The following DNASE1 variants were observed in gnomAD, a reference collection of about 807,000 sequenced individuals.
DNASE1 encodes the protein deoxyribonuclease-1.
In DNASE1, 40 loss-of-function variants were observed where a neutral mutation model predicts 33.9. The observed-to-expected ratio is 1.18, with a 90% CI of 0.92 to 1.54. DNASE1 has a LOEUF of 1.54. DNASE1 is among the 40% of genes most tolerant of loss of function. The probability of loss-of-function intolerance (pLI) is 0.00; values close to 1 mark genes in which losing one functional copy is unlikely to be tolerated. For synonymous variants in DNASE1, 216 were observed against 160.0 expected (o/e 1.35, Z -2.64); for missense variants, 518 against 372.6 (o/e 1.39, Z -3.21).
At chr16:3,613,908 A>ATTTTTTTTT (rs200976238) in intron 1 of DNASE1, among the ~76,000 whole-genome samples, 23 of 113,144 alleles carry the variant, frequency 2.0e-4, no homozygotes, top group African/African-American at 8.2e-4. Context: ...CGCCTGGCTA[A>ATTTTTTTTT]TTTTTTTTTT....
downstream of DNASE1, chr16:3,660,566 C>T (rs1302790046): frequency 1.3e-5 from 2 of 152,176 alleles, no homozygotes; most frequent in African/African-American, 2.4e-5. Context: ...GACCTGGTGT[C>T]CGCCTCACTG....
At chr16:3,634,212 G>A (rs1030542312) in intron 1 of DNASE1, among the ~76,000 whole-genome samples, 6 of 151,168 alleles carry the variant, frequency 4.0e-5, no homozygotes, top group Non-Finnish European at 7.4e-5. Flanking sequence ...TTTTGTTGTC[G>A]AGACAGGGTT....
rs915619386 is a variant in DNASE1 at position 3,656,382 on chromosome 16, G to A, written c.320+197G>A. On this transcript the variant is annotated intron_variant, in intron 4 of 8. Coordinates refer to ENST00000246949, the MANE Select transcript of DNASE1 (RefSeq NM_005223.4). ...TGCCTGGCTCCCCCGCCCTCCTGTC[G>A]CCTGGGTCCCGGACCAATGGGTTGA... is the stretch of plus-strand genomic sequence containing the variant. Among the ~76,000 whole-genome samples, 4 of 148,020 alleles carry A rather than the reference G, an allele frequency of 2.7e-5. No individual in the cohort carries two copies. In the East Asian group the frequency reaches 6.1e-4, roughly 23 times the overall value.
rs35085629 is a variant in DNASE1 at position 3,612,549 on chromosome 16, CTTTT to C, written c.-1359+559_-1359+562del. Among the ~76,000 whole-genome samples the C allele has an allele frequency of 8.7e-3, 545 of 62,948 alleles. 4 individuals carry two copies. Among genetic ancestry groups the C allele is most frequent in the African/African-American group, 0.022 (341 of 15,350 alleles). 41.3% of individuals were successfully genotyped at this position (62,948 alleles called of 152,430 possible). On this transcript the variant is annotated intron_variant and NMD_transcript_variant, in intron 1 of 11. Transcript: ENST00000570769. ...TACAGGCGTGAGCCACCGCTCACGG[CTTTT>C]TTTTTTTTTTTTTTTAAGTAGAGAC...
rs1596649825 is a variant in DNASE1, at chr16:3,656,249, A to G, written c.320+64A>G. 6.5e-6 allele frequency: 10 copies of G among 1,538,592 alleles called. No homozygotes were observed. The South Asian group carries it at 7.8e-5, about 12-fold the overall frequency. ...TGGGAGGGCCCCAACAGAGCAGGGAAGTAGTTTGTCCTATTAGTTTGTCCT... is the reference window on the plus strand; with the variant it reads ...TGGGAGGGCCCCAACAGAGCAGGGAGGTAGTTTGTCCTATTAGTTTGTCCT... On this transcript the variant is annotated intron_variant, in intron 4 of 8. Transcript: ENST00000246949.
At chr16:3,658,509 C>G (rs2042856275), downstream of DNASE1, 1 of 569,340 alleles carries the variant, frequency 1.8e-6, no homozygotes, top group Non-Finnish European at 3.1e-6. Context: ...TGGTGAAAAC[C>G]CCATCTCTAC....
At chr16:3,627,377 C>T (rs928072203) in intron 1 of DNASE1, among the ~76,000 whole-genome samples, 3 of 151,748 alleles carry the variant, frequency 2.0e-5, no homozygotes, top group Non-Finnish European at 4.4e-5. Context: ...TAGCTCAAGC[C>T]ATCCTCCCAC....
At chr16:3,611,885 T>A (rs529622799) in exon 1 of DNASE1, 9 of 152,536 alleles carry the variant, frequency 5.9e-5, no homozygotes, top group African/African-American at 2.2e-4. Flanking sequence ...TCAGGAAATG[T>A]TCGCGGATAC....
chr16:3,659,649 T>C (rs950324530), downstream of DNASE1: 3 of 152,088 alleles, frequency 2.0e-5, no homozygotes, highest in African/African-American at 7.2e-5. Flanking sequence ...TTGTACAACC[T>C]CTCCAGAGGA....
upstream of DNASE1, among the ~76,000 whole-genome samples, chr16:3,639,642 A>G (rs2041973770): frequency 1.3e-5 from 2 of 152,200 alleles, no homozygotes; most frequent in African/African-American, 4.8e-5. Context: ...CTCCCTGTAA[A>G]TAGTTAATAA....
At chr16:3,637,050 G>C (rs2041889442) in intron 1 of DNASE1, among the ~76,000 whole-genome samples, 1 of 152,152 alleles carries the variant, frequency 6.6e-6, no homozygotes, top group Non-Finnish European at 1.5e-5. Context: ...CTTGAACCCA[G>C]GAGGCAGAGG....
intron 1 of DNASE1, among the ~76,000 whole-genome samples, chr16:3,648,862 CAA>C (rs989499180): frequency 2.0e-5 from 3 of 152,294 alleles, no homozygotes; most frequent in Admixed American, 2.0e-4. Context: ...GGATATATCT[CAA>C]GTTTTATTAT....
At chr16:3,664,012 G>A (rs965385051) in exon 10 of DNASE1, 4 of 404,392 alleles carry the variant, frequency 9.9e-6, no homozygotes, top group Non-Finnish European at 1.8e-5. Context: ...GCAGTGAGCC[G>A]AGATCGCACC....
chr16:3,648,528 G>A (rs187276224), intron 1 of DNASE1, among the ~76,000 whole-genome samples: 4 of 152,242 alleles, frequency 2.6e-5, no homozygotes, highest in East Asian at 3.9e-4. Flanking sequence ...CCCCAGAGGC[G>A]AAGCTCGCGT....
chr16:3,618,878 C>T (rs1245857442), intron 1 of DNASE1, among the ~76,000 whole-genome samples: 5 of 151,976 alleles, frequency 3.3e-5, no homozygotes, highest in Non-Finnish European at 7.4e-5. Flanking sequence ...TTTTTAGTGA[C>T]AAGGTCTCAT....
At chr16:3,637,657 T>C (rs1056515131) in intron 1 of DNASE1, among the ~76,000 whole-genome samples, 2 of 152,182 alleles carry the variant, frequency 1.3e-5, no homozygotes, top group African/African-American at 2.4e-5. Flanking sequence ...GGACAGGCCT[T>C]GTTAAGAACA....
chr16:3,648,836 C>T (rs1323535804), intron 1 of DNASE1, among the ~76,000 whole-genome samples: 2 of 152,152 alleles, frequency 1.3e-5, no homozygotes, highest in Non-Finnish European at 2.9e-5. Context: ...ATCTAAGGTC[C>T]ATACATTTTG....
intron 1 of DNASE1, among the ~76,000 whole-genome samples, chr16:3,627,395 T>C (rs2041547460): frequency 6.6e-6 from 1 of 151,480 alleles, no homozygotes; most frequent in South Asian, 2.1e-4. Flanking sequence ...CACCTAAGCC[T>C]CCCGAGTATG....
At chr16:3,656,555 G>C (rs1171252942) in intron 4 of DNASE1, 83 bp from the exon 5 acceptor site, 1 of 1,209,452 alleles carries the variant, frequency 8.3e-7, no homozygotes, top group Non-Finnish European at 1.2e-6. Context: ...CTGTCGCCTG[G>C]GACGCGACGC....
Sources: allele counts gnomAD v4.1 joint callset (sites outside exome capture counted in the v4.1 genomes callset), GRCh38; gene constraint gnomAD v4.1.1; transcripts MANE v1.5; gene names NCBI Gene and HGNC (gene_info 2026-07-23, HGNC 2026-07-21).